CSPG4: variants seen among roughly 807,000 people sequenced by gnomAD.
CSPG4 encodes the protein chondroitin sulfate proteoglycan 4, also known as chondroitin sulfate proteoglycan 4 (melanoma-associated).
In CSPG4, 74 loss-of-function variants were observed where a neutral mutation model predicts 139.3. The ratio of observed to expected loss-of-function variants is 0.53; its 90% confidence interval spans 0.44 to 0.64. The LOEUF (loss-of-function observed/expected upper bound fraction) is 0.64. CSPG4 is among the 30% of genes least tolerant of loss of function. The pLI is 0.00. For synonymous variants in CSPG4, 1,234 were observed against 1,394.2 expected (o/e 0.89, Z 2.56); for missense variants, 2,565 against 3,148.3 (o/e 0.81, Z 4.43).
chr15:75,687,598 A>G lies in CSPG4; in HGVS notation c.3467T>C (p.Leu1156Pro). ...DTAVLHLDTN[L>P]DIRSGDEVHY... ...GACCTCATCCCCACTGCGGATGTCGAGGTTGGTGTCCAGGTGGAGCACGGC... is the reference window on the plus strand; with the variant it reads ...GACCTCATCCCCACTGCGGATGTCGGGGTTGGTGTCCAGGTGGAGCACGGC... The change falls in exon 3 of 10, where the codon CTC (leucine) becomes CCC (proline). Residue 1156 changes from leucine to proline, a missense_variant. By Grantham distance (98) the Leu-to-Pro change is moderately conservative (BLOSUM62 -3). Transcript: ENST00000308508. This position sits in a 1 kb window ranked among gnomAD's most constrained non-coding sequence, Gnocchi z 5.4. 1 of 1,610,994 alleles carries G rather than the reference A, an allele frequency of 6.2e-7. No individual in the cohort carries two copies. Among genetic ancestry groups the G allele is most frequent in the Non-Finnish European group, 8.5e-7 (1 of 1,178,696 alleles).
rs557359212 is a variant in CSPG4 at position 75,689,100 on chromosome 15, C to A, written c.1965G>T (p.Lys655Asn). The change falls in exon 3 of 10, where the codon AAG becomes AAT. Residue 655 changes from lysine to asparagine, a missense_variant. Coordinates refer to ENST00000308508, the MANE Select transcript of CSPG4 (RefSeq NM_001897.5). Reference protein sequence around the residue: ...GLQASPPATLKVVAIRPAIQI... With the variant: ...GLQASPPATLNVVAIRPAIQI... The stretch of plus-strand genomic sequence containing the variant: ...GTATGGCCGGCCGGATGGCCACCAC[C>A]TTCAGCGTGGCCGGGGGGCTGGCCT... The A allele has an allele frequency of 2.5e-6, 4 of 1,605,090 alleles. No individual in the cohort carries two copies. Among genetic ancestry groups the A allele is most frequent in the East Asian group, 2.2e-5 (1 of 44,766 alleles).
intron 1 of CSPG4, among the ~76,000 whole-genome samples, chr15:75,710,456 G>T (rs1894434311): frequency 6.6e-6 from 1 of 152,150 alleles, no homozygotes; most frequent in Non-Finnish European, 1.5e-5. Flanking sequence ...GACGCAGGCT[G>T]GGAGCACCCT....
Position 75,689,379 on chromosome 15 carries a change from G to A in CSPG4, c.1686C>T (p.Leu562=), listed in dbSNP as rs1894123515. 3.7e-6 allele frequency: 6 copies of A among 1,612,566 alleles called. No individual in the cohort carries two copies. The highest frequency in any genetic ancestry group is 1.1e-5 in the South Asian group (1 of 91,056). The part of the protein sequence containing the change: ...PPHIIFPHGS[L]MVILEHTQKP... ...TCTGCGTGTGTTCCAGGATCACCAT[G>A]AGGCTGCCATGTGGGAAGATGATGT... is the stretch of plus-strand genomic sequence containing the variant. Residue 562 remains leucine, a synonymous_variant, in exon 3 of 10, where the codon CTC becomes CTT. Transcript: ENST00000308508.
Position 75,682,991 on chromosome 15 carries a change from C to T in CSPG4, c.4500G>A (p.Thr1500=), listed in dbSNP as rs552823714. The T allele has an allele frequency of 2.0e-5, 32 of 1,611,356 alleles. No homozygotes were observed. The highest frequency in any genetic ancestry group is 8.0e-5 in the African/African-American group (6 of 74,986). The change falls in exon 6 of 10, where the codon ACG becomes ACA. Residue 1500 remains threonine (T), a synonymous_variant. Coordinates refer to ENST00000308508, the MANE Select transcript of CSPG4 (RefSeq NM_001897.5). ...GATCCTCAGACCCAGAGTCGCCGTC[C>T]GTGCTCCTCAGAGCCTCCGCAGGGA... ...APIPAEALRS[T]DGDSGSEDLV... is the part of the protein sequence containing the mutation.
At position 75,685,249 on chromosome 15, in the gene CSPG4, G is replaced by T; in HGVS notation, c.4242C>A (p.Ala1414=). Residue 1414 remains alanine, a synonymous_variant, in exon 4 of 10, where the codon GCC becomes GCA. Transcript: ENST00000308508. ...TCCAGGAGAAGGCGCTGAGGGTCCT[G>T]GCTTGAGGTCCGTCCTCCTTCTGCA... ...GALQKEDGPQ[A]RTLSAFSWRM... 1 of 1,533,978 alleles carries T rather than the reference G, an allele frequency of 6.5e-7. No individual in the cohort carries two copies. The highest frequency in any genetic ancestry group is 8.8e-7 in the Non-Finnish European group (1 of 1,140,548).
In CSPG4 at chr15:75,676,859, C is replaced by A; in HGVS notation, c.5660G>T (p.Gly1887Val). Residue 1887 changes from glycine (G) to valine (V), a missense_variant, in exon 10 of 10, where the codon GGC becomes GTC. By Grantham distance (109) the Gly-to-Val change is moderately radical. Transcript: ENST00000308508. ...CGTGAAGCGGGTCACGGGCCCCAGG[C>A]CACCACCCACCAGGCTGAGGAAGCC... is the stretch of plus-strand genomic sequence containing the variant. ...HNGFLSLVGG[G>V]LGPVTRFTQA... 1 of 1,581,598 alleles carries A rather than the reference C, an allele frequency of 6.3e-7. No individual in the cohort carries two copies. The highest frequency in any genetic ancestry group is 1.3e-5 in the African/African-American group (1 of 74,462).
At chr15:75,678,072 CTG>C (rs1893919648) in intron 8 of CSPG4, among the ~76,000 whole-genome samples, 186 bp from the exon 9 acceptor site, 1 of 152,196 alleles carries the variant, frequency 6.6e-6, no homozygotes, top group Admixed American at 6.5e-5. Context: ...GAGCTGGGCT[CTG>C]GAGCCGGAGC....
At chr15:75,705,909 G>A (rs146179378) in intron 1 of CSPG4, among the ~76,000 whole-genome samples, 15 of 152,034 alleles carry the variant, frequency 9.9e-5, no homozygotes, top group Non-Finnish European at 1.9e-4. Flanking sequence ...GTCTGTGTGC[G>A]TGTGTGTGTG....
intron 8 of CSPG4, 147 bp downstream of exon 8, chr15:75,682,146 G>A: frequency 9.5e-7 from 1 of 1,050,340 alleles, no homozygotes; most frequent in Non-Finnish European, 1.4e-6. Flanking sequence ...TGGAGGACAG[G>A]ACACTAGCGC....
At chr15:75,684,983 G>A (rs1254419966) in intron 4 of CSPG4, 71 bp from the exon 5 acceptor site, 2 of 1,469,002 alleles carry the variant, frequency 1.4e-6, no homozygotes, top group African/African-American at 2.8e-5. Flanking sequence ...GGGTGCAGGA[G>A]GAGACTGACT....
intron 9 of CSPG4, 27 bp downstream of exon 9, chr15:75,677,676 A>G (rs930042270): frequency 2.5e-6 from 4 of 1,569,328 alleles, no homozygotes; most frequent in African/African-American, 1.4e-5. Context: ...CCTCCCCACA[A>G]TCTTGCCAGC....
In CSPG4 at chr15:75,707,112, A is replaced by G. The variant is rs1248428016; in HGVS notation, c.88+5556T>C. Among the ~76,000 whole-genome samples, 4 of 152,030 alleles carry G rather than the reference A, an allele frequency of 2.6e-5. No homozygotes were observed. The East Asian group carries it at 7.7e-4, about 29-fold the overall frequency. ...AGCTGGGATTACAGGTGTCGCCAGC[A>G]CGCCCAGCTAATTTTTGTATTTTTA... is the stretch of plus-strand genomic sequence containing the variant. On this transcript the variant is annotated intron_variant, in intron 1 of 9. Transcript: ENST00000308508.
At chr15:75,708,616 C>T (rs188336344) in intron 1 of CSPG4, among the ~76,000 whole-genome samples, 9 of 152,364 alleles carry the variant, frequency 5.9e-5, no homozygotes, top group East Asian at 1.9e-4. Context: ...TCCACCTGGC[C>T]TGATGTGGGG....
Position 75,675,279 on chromosome 15 carries a change from C to A in CSPG4, c.*271G>T, listed in dbSNP as rs1893872905. 2 of 358,862 alleles carry A rather than the reference C, an allele frequency of 5.6e-6. No individual in the cohort carries two copies. Among genetic ancestry groups the A allele is most frequent in the Non-Finnish European group, 9.9e-6 (2 of 202,140 alleles). 22.2% of individuals were successfully genotyped at this position (358,862 alleles called of 1,614,324 possible). Reference sequence around the variant, plus strand: ...TTACCCTGGTTTTGACAGCCCAAACCAGCTCCAGGGCAGGAGGACTGAACT... The same window carrying A: ...TTACCCTGGTTTTGACAGCCCAAACAAGCTCCAGGGCAGGAGGACTGAACT... On this transcript the variant is annotated 3_prime_UTR_variant, in exon 10 of 10. Transcript: ENST00000308508.
chr15:75,677,089 G>A lies in CSPG4; in HGVS notation c.5430C>T (p.Ala1810=). Residue 1810 remains alanine (A), a synonymous_variant, in exon 10 of 10, where the codon GCC becomes GCT. Transcript: ENST00000308508. ...FRAHLQGPAG[A]SVAGPQTSEA... Reference sequence around the variant, plus strand: ...CTGAGGTTTGGGGTCCAGCCACGGAGGCCCCTGCTGGCCCCTGGAGGTGGG... The same window carrying A: ...CTGAGGTTTGGGGTCCAGCCACGGAAGCCCCTGCTGGCCCCTGGAGGTGGG... 7.1e-7 allele frequency: 1 copy of A among 1,413,378 alleles called. No individual in the cohort carries two copies. Among genetic ancestry groups the A allele is most frequent in the Non-Finnish European group, 9.3e-7 (1 of 1,079,348 alleles). The allele number at this position is 1,413,378 out of a possible 1,614,324, so 87.6% of individuals were successfully genotyped here. A position where few individuals can be genotyped will look rare whatever the true frequency, so the allele number is the denominator to read the frequency against.
chr15:75,700,900 G>C (rs1239045849), intron 1 of CSPG4, among the ~76,000 whole-genome samples: 1 of 152,152 alleles, frequency 6.6e-6, no homozygotes, highest in Non-Finnish European at 1.5e-5. Context: ...CTCCTCCTCA[G>C]TTCCCCCATC....
Position 75,677,201 on chromosome 15 carries a change from T to C in CSPG4, c.5318A>G (p.His1773Arg). The C allele has an allele frequency of 6.9e-7, 1 of 1,448,986 alleles. No individual in the cohort carries two copies. The allele number at this position is 1,448,986 out of a possible 1,614,324, so 89.8% of individuals were successfully genotyped here. Reference sequence around the variant, plus strand: ...TGCAGCCAGCTGGGACTGCAGGAAGTGGGGCTGCCCAGCATGGAGGGGCTC... The same window carrying C: ...TGCAGCCAGCTGGGACTGCAGGAAGCGGGGCTGCCCAGCATGGAGGGGCTC... ...SEEPLHAGQP[H>R]FLQSQLAAGQ... Residue 1773 changes from histidine to arginine, a missense_variant, in exon 10 of 10, where the codon CAC becomes CGC. Around this residue, in one of 5 missense-constraint regions of CSPG4, gnomAD observed 2,316 missense variants for 2,818.2 expected, o/e 0.82. Coordinates refer to ENST00000308508, the MANE Select transcript of CSPG4 (RefSeq NM_001897.5).
rs887634945 is a variant in CSPG4, at chr15:75,709,853, G to A, written c.88+2815C>T. Among the ~76,000 whole-genome samples the A allele has an allele frequency of 4.6e-5, 7 of 152,098 alleles. 1 individual carries two copies. In the East Asian group the frequency reaches 5.8e-4, roughly 13 times the overall value. On this transcript the variant is annotated intron_variant, in intron 1 of 9. Transcript: ENST00000308508. ...AAGGCCCTTCTTGTCCTGCCCGGGCGGGCAGGCGTAGGGAGGGAGGCTCCG... is the reference window on the plus strand; with the variant it reads ...AAGGCCCTTCTTGTCCTGCCCGGGCAGGCAGGCGTAGGGAGGGAGGCTCCG...
At chr15:75,681,029 G>C (rs1300026326) in intron 8 of CSPG4, among the ~76,000 whole-genome samples, 2 of 152,172 alleles carry the variant, frequency 1.3e-5, no homozygotes, top group Non-Finnish European at 1.5e-5. Flanking sequence ...CTGATGGCCT[G>C]GTCCCGTGCC....
Sources: allele counts gnomAD v4.1 joint callset (sites outside exome capture counted in the v4.1 genomes callset), GRCh38; gene constraint gnomAD v4.1.1; regional missense constraint gnomAD v4.1.1; non-coding constraint Gnocchi (gnomAD v3.1); transcripts MANE v1.5; gene names NCBI Gene and HGNC (gene_info 2026-07-23, HGNC 2026-07-21).